Variants in TNRC18 observed in about 807,000 individuals in gnomAD.
TNRC18 encodes trinucleotide repeat-containing gene 18 protein.
Under a neutral mutation model 226.7 loss-of-function variants are expected in TNRC18, and 69 were observed. The ratio of observed to expected loss-of-function variants is 0.30; its 90% confidence interval spans 0.25 to 0.37. The LOEUF is 0.37. Ranked by LOEUF, TNRC18 falls within the 10% of genes least tolerant of loss-of-function variation. The pLI is 1.00. For synonymous variants in TNRC18, 2,449 were observed against 1,927.6 expected (o/e 1.27, Z -7.09); for missense variants, 4,754 against 4,256.6 (o/e 1.12, Z -3.25).
chr7:5,422,561 C>T (rs1782645873), intron 1 of TNRC18, among the ~76,000 whole-genome samples: 1 of 152,208 alleles, frequency 6.6e-6, no homozygotes. Flanking sequence ...TTCCGGGAGG[C>T]CTGGGCTCTC....
intron 23 of TNRC18, 27 bp from the exon 24 acceptor site, chr7:5,320,453 G>T: frequency 6.4e-7 from 1 of 1,563,354 alleles, no homozygotes; most frequent in South Asian, 1.2e-5. Flanking sequence ...TGAGTGCAAG[G>T]TGTGGACACA....
intron 19 of TNRC18, among the ~76,000 whole-genome samples, chr7:5,329,411 C>G (rs1397595385): frequency 3.3e-5 from 5 of 149,686 alleles, no homozygotes; most frequent in East Asian, 2.0e-4. Flanking sequence ...CAGCCAGGAG[C>G]GGTGGCCCAC....
intron 1 of TNRC18, 120 bp from the exon 2 acceptor site, chr7:5,421,609 C>A (rs1364157964): frequency 6.6e-6 from 1 of 152,244 alleles, no homozygotes; most frequent in Non-Finnish European, 1.5e-5. Context: ...GGGGTGCCGA[C>A]TGAGTGGCCA....
chr7:5,405,571 AAAAACAAAAC>A (rs925558960), intron 2 of TNRC18, among the ~76,000 whole-genome samples: 4 of 152,096 alleles, frequency 2.6e-5, no homozygotes, highest in South Asian at 2.1e-4. Context: ...TCCGTCTCAA[AAAAACAAAAC>A]AAAACAAAAC....
chr7:5,416,431 A>G (rs191213114), intron 2 of TNRC18, among the ~76,000 whole-genome samples: 1 of 152,206 alleles, frequency 6.6e-6, no homozygotes, highest in African/African-American at 2.4e-5. Context: ...AGAAAAAAAA[A>G]TTTGCTTAAC....
At chr7:5,379,998 T>C (rs1305121309) in intron 5 of TNRC18, among the ~76,000 whole-genome samples, 2 of 152,128 alleles carry the variant, frequency 1.3e-5, no homozygotes, top group African/African-American at 2.4e-5. Context: ...AGAGAAACTA[T>C]CCTTCTGCTG....
chr7:5,403,551 G>A (rs568262906), intron 2 of TNRC18, among the ~76,000 whole-genome samples: 1 of 152,210 alleles, frequency 6.6e-6, no homozygotes, highest in African/African-American at 2.4e-5. Flanking sequence ...CTAGGACTTT[G>A]GGAGGCTGAG....
intron 25 of TNRC18, 76 bp downstream of exon 25, chr7:5,315,880 G>C: frequency 1.8e-6 from 2 of 1,135,248 alleles, no homozygotes; most frequent in South Asian, 1.6e-5. Context: ...ACAGAGCTCA[G>C]AGCCGGGCTT....
chr7:5,369,645 A>G (rs887782315), intron 11 of TNRC18, among the ~76,000 whole-genome samples: 12 of 152,172 alleles, frequency 7.9e-5, no homozygotes, highest in African/African-American at 2.9e-4. Flanking sequence ...GTAGGAAAAG[A>G]AAGACTTGGT....
At chr7:5,420,713 G>A (rs751441770) in intron 2 of TNRC18, 1 of 543,356 alleles carries the variant, frequency 1.8e-6, no homozygotes, top group East Asian at 4.4e-5. Context: ...CGGGGTGCGG[G>A]GGCCGGTTTG....
In TNRC18 at chr7:5,377,371, C is replaced by A; in HGVS notation, c.2461G>T (p.Gly821Cys). ...ASMWLAGHPY[G>C]LGPPSLHQGM... is the part of the protein sequence containing the mutation. ...GAGAGACCCTGTGCCCCACACTCAC[C>A]GTAGGGGTGTCCAGCGAGCCACATG... The change falls in exon 7 of 30, where the codon GGC becomes TGC. Residue 821 changes from glycine to cysteine, a missense_variant and splice_region_variant. Transcript: ENST00000430969. The surrounding 1 kb of genome is among the most constrained non-coding windows in gnomAD (Gnocchi z 5.8). The A allele has an allele frequency of 6.4e-7, 1 of 1,572,450 alleles. No individual in the cohort carries two copies. Among genetic ancestry groups the A allele is most frequent in the Non-Finnish European group, 8.6e-7 (1 of 1,160,324 alleles).
intron 29 of TNRC18, 134 bp from the exon 30 acceptor site, chr7:5,308,446 G>A: frequency 1.3e-6 from 1 of 795,426 alleles, no homozygotes; most frequent in Non-Finnish European, 2.0e-6. Context: ...CAGAGACAGA[G>A]GCTGAGTAAG....
Position 5,388,575 on chromosome 7 carries a change from G to T in TNRC18, c.1249C>A (p.Pro417Thr). 7.7e-7 allele frequency: 1 copy of T among 1,300,890 alleles called. No individual in the cohort carries two copies. The highest frequency in any genetic ancestry group is 1.9e-5 in the South Asian group (1 of 53,742). 80.6% of individuals were successfully genotyped at this position (1,300,890 alleles called of 1,614,324 possible). ...PGVLQAPPGS[P>T]RPLDRPEGLR... Reference sequence around the variant, plus strand: ...CCCTCGGGCCGGTCCAGAGGCCGCGGGGAGCCGGGGGGCGCCTGCAGGACC... The same window carrying T: ...CCCTCGGGCCGGTCCAGAGGCCGCGTGGAGCCGGGGGGCGCCTGCAGGACC... Residue 417 changes from proline to threonine, a missense_variant, in exon 5 of 30, where the codon CCG becomes ACG. Physicochemically the swap from Pro to Thr is conservative, Grantham distance 38. Coordinates refer to ENST00000430969, the MANE Select transcript of TNRC18 (RefSeq NM_001080495.3).
Position 5,388,780 on chromosome 7 carries a change from G to T in TNRC18, c.1044C>A (p.Pro348=). The change falls in exon 5 of 30, where the codon CCC becomes CCA. Residue 348 remains proline, a synonymous_variant. Coordinates refer to ENST00000430969, the MANE Select transcript of TNRC18 (RefSeq NM_001080495.3). The stretch of plus-strand genomic sequence containing the variant: ...AGACGCCGGCGGGGGTGGCCGCGGG[G>T]GGTGCAGGAGGCCCCTTGGGGGGCG... ...PPAPPKGPPA[P]PAATPAGVYT... 1 of 1,217,244 alleles carries T rather than the reference G, an allele frequency of 8.2e-7. No homozygotes were observed. The highest frequency in any genetic ancestry group is 1.0e-6 in the Non-Finnish European group (1 of 976,762). The allele number at this position is 1,217,244 out of a possible 1,614,324, so 75.4% of individuals were successfully genotyped here.
intron 14 of TNRC18, among the ~76,000 whole-genome samples, chr7:5,361,229 T>C (rs551340935): frequency 2.0e-5 from 3 of 152,072 alleles, no homozygotes; most frequent in Non-Finnish European, 2.9e-5. Flanking sequence ...AGCCGGGTCA[T>C]AGCCCGTCCC....
At position 5,359,573 on chromosome 7, in the gene TNRC18, A is replaced by C. The variant is rs1007898894; in HGVS notation, c.4662-4T>G. On this transcript the variant is annotated splice_region_variant and splice_polypyrimidine_tract_variant and intron_variant, in intron 14 of 29. Transcript: ENST00000430969. ...CAGCAGAGACTTGCTGCTCAGCCTG[A>C]AACGCAGACACACTGCCGGTCAGCA... 1.9e-6 allele frequency: 3 copies of C among 1,613,476 alleles called. No homozygotes were observed. The highest frequency in any genetic ancestry group is 2.2e-5 in the South Asian group (2 of 91,082).
intron 5 of TNRC18, among the ~76,000 whole-genome samples, chr7:5,381,006 C>A (rs142281191): frequency 6.6e-6 from 1 of 152,298 alleles, no homozygotes; most frequent in Non-Finnish European, 1.5e-5. Flanking sequence ...GCAGCCTGGG[C>A]TGCCCCAAGC....
intron 2 of TNRC18, among the ~76,000 whole-genome samples, chr7:5,398,371 T>C (rs1407925220): frequency 6.6e-6 from 1 of 152,168 alleles, no homozygotes; most frequent in Non-Finnish European, 1.5e-5. Context: ...GGTTTCTCAA[T>C]GTTGGTCAGG....
chr7:5,403,899 C>T (rs987934688), intron 2 of TNRC18, among the ~76,000 whole-genome samples: 7 of 152,152 alleles, frequency 4.6e-5, no homozygotes, highest in African/African-American at 1.7e-4. Context: ...TATTCTGGCC[C>T]TAAACACTGA....
Sources: gnomAD v4.1 joint callset for allele counts (sites outside exome capture counted in the v4.1 genomes callset) on GRCh38, gnomAD v4.1.1 for gene constraint, Gnocchi (gnomAD v3.1) non-coding constraint, MANE v1.5 for transcripts, NCBI Gene and HGNC (gene_info 2026-07-23, HGNC 2026-07-21) for gene names.